The following PARD3 variants were observed in gnomAD, a reference collection of about 807,000 sequenced individuals.
PARD3 encodes par-3 family cell polarity regulator, also known as partitioning defective 3 homolog.
In PARD3, 75 loss-of-function variants were observed where a neutral mutation model predicts 155.4. That is an observed-to-expected ratio of 0.48 (90% CI 0.40 to 0.58). The LOEUF (loss-of-function observed/expected upper bound fraction) is 0.58. Ranked by LOEUF, PARD3 falls within the 20% of genes least tolerant of loss-of-function variation. PARD3 has a pLI of 0.00. For missense variants in PARD3, 1,642 were observed against 1,721.7 expected (o/e 0.95, Z 0.82); for synonymous variants, 576 against 610.5 (o/e 0.94, Z 0.83).
rs774389489 is a variant in PARD3 at position 34,413,140 on chromosome 10, T to TACACACACAC, written c.715-11224_715-11223insGTGTGTGTGT. On this transcript the variant is annotated intron_variant, in intron 5 of 24. Transcript: ENST00000374788. ...AAAACATTAGGCAGTACTTCAGATATATATACACACACACACACACACACA... is the reference window on the plus strand; with the variant it reads ...AAAACATTAGGCAGTACTTCAGATATACACACACACATATACACACACACACACACACACA... 9.6e-3 allele frequency among the ~76,000 whole-genome samples: 1,096 copies of TACACACACAC among 113,820 alleles called. 22 individuals are homozygous for TACACACACAC. Among genetic ancestry groups the TACACACACAC allele is most frequent in the African/African-American group, 0.031 (972 of 31,524 alleles). The allele number at this position is 113,820 out of a possible 152,430, so 74.7% of individuals were successfully genotyped here.
chr10:34,555,620 C>T (rs1447115978), intron 2 of PARD3, among the ~76,000 whole-genome samples: 1 of 152,164 alleles, frequency 6.6e-6, no homozygotes, highest in Non-Finnish European at 1.5e-5. Context: ...TCTTTTACAT[C>T]ATTATTTAAT....
At chr10:34,384,447 C>T (rs894431874) in intron 7 of PARD3, among the ~76,000 whole-genome samples, 193 bp from the exon 8 acceptor site, 12 of 152,148 alleles carry the variant, frequency 7.9e-5, no homozygotes, top group African/African-American at 2.7e-4. Context: ...GCATCCCTTC[C>T]ATAAATGTAA....
chr10:34,393,828 T>C (rs1004363713), intron 7 of PARD3, among the ~76,000 whole-genome samples: 8 of 144,588 alleles, frequency 5.5e-5, no homozygotes, highest in African/African-American at 1.0e-4. Context: ...CAAGTAAGAA[T>C]AGTAGTAATT....
At chr10:34,566,451 G>C (rs2134110791) in intron 2 of PARD3, among the ~76,000 whole-genome samples, 2 of 152,344 alleles carry the variant, frequency 1.3e-5, no homozygotes, top group South Asian at 4.1e-4. Context: ...CCTGGGGGAA[G>C]GCCAGCTGGA....
At chr10:34,136,095 C>T (rs1454165136) in intron 22 of PARD3, among the ~76,000 whole-genome samples, 1 of 152,228 alleles carries the variant, frequency 6.6e-6, no homozygotes, top group Non-Finnish European at 1.5e-5. Context: ...ACCACTGGTT[C>T]ACATTCTGCA....
At chr10:34,423,110 A>AAC (rs148348654) in intron 5 of PARD3, among the ~76,000 whole-genome samples, 6 of 152,134 alleles carry the variant, frequency 3.9e-5, no homozygotes, top group African/African-American at 1.4e-4. Flanking sequence ...TACATACACA[A>AAC]ACACACACAC....
intron 4 of PARD3, among the ~76,000 whole-genome samples, chr10:34,451,299 C>A (rs1406001414): frequency 6.6e-6 from 1 of 152,124 alleles, no homozygotes; most frequent in African/African-American, 2.4e-5. Flanking sequence ...AAATCTAAAT[C>A]ATCTCCTATA....
intron 2 of PARD3, among the ~76,000 whole-genome samples, chr10:34,544,985 T>G (rs2083927949): frequency 6.6e-6 from 1 of 151,934 alleles, no homozygotes; most frequent in African/African-American, 2.4e-5. Context: ...CTGTATTGAG[T>G]TCGTGCACTC....
chr10:34,205,945 T>G (rs1951456090), intron 22 of PARD3, among the ~76,000 whole-genome samples: 1 of 152,138 alleles, frequency 6.6e-6, no homozygotes, highest in African/African-American at 2.4e-5. Flanking sequence ...TGAGGACCGA[T>G]GCTGATGTTG....
At chr10:34,475,853 TCA>T (rs1176180503) in intron 3 of PARD3, among the ~76,000 whole-genome samples, 4 of 152,160 alleles carry the variant, frequency 2.6e-5, no homozygotes, top group African/African-American at 9.7e-5. Flanking sequence ...CAGGCTTGTG[TCA>T]CTCATTTTTA....
chr10:34,455,313 T>C (rs773914719), intron 4 of PARD3, among the ~76,000 whole-genome samples: 2 of 152,174 alleles, frequency 1.3e-5, no homozygotes, highest in Non-Finnish European at 2.9e-5. Context: ...TTTCAAATAT[T>C]CCCGTGTGAT....
At chr10:34,432,041 CAAAA>C (rs142848273) in intron 5 of PARD3, among the ~76,000 whole-genome samples, 426 of 21,402 alleles carry the variant, frequency 0.02, no homozygotes, top group African/African-American at 0.049. Flanking sequence ...GACTCTGTCT[CAAAA>C]AAAAAAAAAA....
intron 2 of PARD3, among the ~76,000 whole-genome samples, chr10:34,543,862 T>C (rs1406269923): frequency 1.3e-5 from 2 of 152,182 alleles, no homozygotes; most frequent in Admixed American, 1.3e-4. Flanking sequence ...GGCCAATTAA[T>C]AGTCAATGTA....
chr10:34,135,663 T>C (rs189821240), intron 22 of PARD3, among the ~76,000 whole-genome samples: 13 of 152,326 alleles, frequency 8.5e-5, no homozygotes, highest in South Asian at 8.3e-4. Flanking sequence ...GCCCCGCACC[T>C]GTGCCCCACA....
At chr10:34,465,039 G>C (rs2077919305) in intron 4 of PARD3, among the ~76,000 whole-genome samples, 3 of 152,166 alleles carry the variant, frequency 2.0e-5, no homozygotes, top group Admixed American at 1.3e-4. Context: ...TAGTTTAAAT[G>C]ATCTCTAGAT....
chr10:34,180,061 T>A (rs1238896469), intron 22 of PARD3, among the ~76,000 whole-genome samples: 1 of 152,190 alleles, frequency 6.6e-6, no homozygotes, highest in Non-Finnish European at 1.5e-5. Flanking sequence ...TTTTGTTTTT[T>A]TTTTGAGACG....
intron 22 of PARD3, among the ~76,000 whole-genome samples, chr10:34,151,207 T>C (rs1948766492): frequency 6.6e-6 from 1 of 151,916 alleles, no homozygotes; most frequent in East Asian, 1.9e-4. Flanking sequence ...TTTAGGACTA[T>C]GATTCTGTGC....
intron 20 of PARD3, among the ~76,000 whole-genome samples, chr10:34,294,959 T>C (rs1956839554): frequency 6.6e-6 from 1 of 151,992 alleles, no homozygotes; most frequent in Non-Finnish European, 1.5e-5. Flanking sequence ...TACTAGCACT[T>C]TGGGAGACAG....
rs1227862093 is a variant in PARD3 at position 34,718,586 on chromosome 10, G to C, written c.121-22167C>G. Among the ~76,000 whole-genome samples the C allele has an allele frequency of 2.0e-5, 3 of 152,240 alleles. No homozygotes were observed. In the East Asian group the frequency reaches 5.8e-4, roughly 29 times the overall value. ...AGGCTGGAGGATTGCTTGAGCCTAG[G>C]AGACCAAGGATGCAGTGAGCTGTGA... On this transcript the variant is annotated intron_variant, in intron 1 of 24. Transcript: ENST00000374788.
Sources: allele counts gnomAD v4.1 joint callset (sites outside exome capture counted in the v4.1 genomes callset), GRCh38; gene constraint gnomAD v4.1.1; transcripts MANE v1.5; gene names NCBI Gene and HGNC (gene_info 2026-07-23, HGNC 2026-07-21).